ESPN: variants seen among roughly 807,000 people sequenced by gnomAD.
ESPN encodes autosomal recessive deafness type 36 protein.
Under a neutral mutation model 77.7 loss-of-function variants are expected in ESPN, and 68 were observed. That is an observed-to-expected ratio of 0.87 (90% CI 0.72 to 1.07). The LOEUF (loss-of-function observed/expected upper bound fraction) is 1.07. Among genes scored for constraint, ESPN ranks in the 50% least tolerant of loss-of-function variants. The probability of loss-of-function intolerance (pLI) is 0.00; values close to 1 mark genes in which losing one functional copy is unlikely to be tolerated. For missense variants in ESPN, 1,060 were observed against 1,239.0 expected (o/e 0.86, Z 2.17); for synonymous variants, 449 against 567.1 (o/e 0.79, Z 2.96).
At position 6,445,702 on chromosome 1, in the gene ESPN, A is replaced by C. The variant is rs759657307; in HGVS notation, c.1231A>C (p.Met411Leu). The C allele has an allele frequency of 1.2e-5, 20 of 1,612,440 alleles. No individual in the cohort carries two copies. Among genetic ancestry groups the C allele is most frequent in the Non-Finnish European group, 1.6e-5 (19 of 1,179,912 alleles). ...TAGAGCTGCAGACATACAGAGCTAC[A>C]TGGACATGCTGAACCCGGAGCTGGG... ...SARAADIQSY[M>L]DMLNPELGLP... is the part of the protein sequence containing the mutation. The change falls in exon 7 of 13, where the codon ATG (methionine) becomes CTG (leucine). Residue 411 changes from methionine to leucine, a missense_variant. Physicochemically the swap from Met to Leu is conservative, Grantham distance 15. This residue lies in a region of ESPN where 556 missense variants were observed against 633.6 expected (regional missense o/e 0.88). Transcript: ENST00000645284.
intron 2 of ESPN, among the ~76,000 whole-genome samples, chr1:6,439,583 GAGA>G (rs1387904426): frequency 6.6e-6 from 1 of 152,208 alleles, no homozygotes; most frequent in Non-Finnish European, 1.5e-5. Context: ...CAAGAGGGAG[GAGA>G]AGGACATTCC....
At position 6,427,087 on chromosome 1, in the gene ESPN, T is replaced by C. The variant is rs1643064847; in HGVS notation, c.295-1139T>C. On this transcript the variant is annotated intron_variant, in intron 1 of 12. Coordinates refer to ENST00000645284, the MANE Select transcript of ESPN (RefSeq NM_031475.3). The surrounding 1 kb of genome is among the most constrained non-coding windows in gnomAD (Gnocchi z 4.6). Reference sequence around the variant, plus strand: ...GGTTCTCTTCCCACCGTGATTTGACTTCCTGAGGCCTGGGGTCTCTTGCCA... The same window carrying C: ...GGTTCTCTTCCCACCGTGATTTGACCTCCTGAGGCCTGGGGTCTCTTGCCA... Among the ~76,000 whole-genome samples the C allele has an allele frequency of 6.6e-6, 1 of 151,994 alleles. No individual in the cohort carries two copies. The highest frequency in any genetic ancestry group is 1.5e-5 in the Non-Finnish European group (1 of 67,992).
chr1:6,444,764 C>T, intron 6 of ESPN, 82 bp downstream of exon 6: 1 of 1,524,230 alleles, frequency 6.6e-7, no homozygotes, highest in Non-Finnish European at 9.1e-7. Context: ...CCTTGGGCCG[C>T]CCTGCCACAG....
In ESPN at chr1:6,459,708, A is replaced by G. The variant is rs561905883; in HGVS notation, c.2418-291A>G. ...TCTTGCTGCTGCACCCAGCAATACC[A>G]CCTCCTCACATGGTGCCACACAGTG... On this transcript the variant is annotated intron_variant, in intron 12 of 12. Coordinates refer to ENST00000645284, the MANE Select transcript of ESPN (RefSeq NM_031475.3). Among the ~76,000 whole-genome samples, 132 of 151,650 alleles carry G rather than the reference A, an allele frequency of 8.7e-4. 1 individual carries two copies. The highest frequency in any genetic ancestry group is 3.1e-3 in the African/African-American group (128 of 41,326).
At chr1:6,434,703 A>C (rs1643370155) in intron 2 of ESPN, among the ~76,000 whole-genome samples, 1 of 152,230 alleles carries the variant, frequency 6.6e-6, no homozygotes, top group Non-Finnish European at 1.5e-5. Flanking sequence ...TCATCACGTC[A>C]GCCATACATT....
intron 5 of ESPN, 64 bp from the exon 6 acceptor site, chr1:6,444,417 T>G: frequency 6.5e-7 from 1 of 1,548,782 alleles, no homozygotes; most frequent in South Asian, 1.1e-5. Context: ...AGTAGGACCC[T>G]GGCCTGGAGA....
chr1:6,440,167 G>C, intron 2 of ESPN, 87 bp from the exon 3 acceptor site: 3 of 1,408,944 alleles, frequency 2.1e-6, no homozygotes, highest in Non-Finnish European at 2.9e-6. Flanking sequence ...GCCGTCCAGG[G>C]CTCCCCGGGA....
chr1:6,444,220 G>A (rs1159095122), intron 5 of ESPN, among the ~76,000 whole-genome samples: 1 of 152,160 alleles, frequency 6.6e-6, no homozygotes, highest in Non-Finnish European at 1.5e-5. Flanking sequence ...CCTCCTTGTC[G>A]ATCTCTCCAC....
rs1644131725 is a variant in ESPN at position 6,460,109 on chromosome 1, A to G, written c.2528A>G (p.Gln843Arg). 1 of 1,613,000 alleles carries G rather than the reference A, an allele frequency of 6.2e-7. No homozygotes were observed. The highest frequency in any genetic ancestry group is 1.7e-5 in the Admixed American group (1 of 60,012). Residue 843 changes from glutamine (Q) to arginine (R), a missense_variant, in exon 13 of 13, where the codon CAG becomes CGG. Gln to Arg is a conservative substitution (Grantham distance 43). Around this residue, in one of 3 missense-constraint regions of ESPN, gnomAD observed 374 missense variants for 381.4 expected, o/e 0.98. Coordinates refer to ENST00000645284, the MANE Select transcript of ESPN (RefSeq NM_031475.3). Reference protein sequence around the residue: ...DESKLAPWQRQVILKKGDIAK... With the variant: ...DESKLAPWQRRVILKKGDIAK... ...AGCAAGCTGGCGCCCTGGCAGCGAC[A>G]GGTCATCCTGAAGAAGGGGGACATC...
At chr1:6,458,603 T>C (rs1235693178) in intron 12 of ESPN, among the ~76,000 whole-genome samples, 3 of 151,214 alleles carry the variant, frequency 2.0e-5, no homozygotes, top group African/African-American at 7.3e-5. Flanking sequence ...GGCGTAAGCC[T>C]TCGCACCAGG....
At chr1:6,446,630 G>A (rs1483424392) in intron 7 of ESPN, among the ~76,000 whole-genome samples, 3 of 152,178 alleles carry the variant, frequency 2.0e-5, no homozygotes, top group South Asian at 4.1e-4. Context: ...CAGGGGTTGG[G>A]GCAGAGGTCT....
chr1:6,456,897 C>T (rs764747835), intron 10 of ESPN, among the ~76,000 whole-genome samples: 12 of 152,176 alleles, frequency 7.9e-5, no homozygotes, highest in East Asian at 1.9e-4. Flanking sequence ...CCTGCCTCTG[C>T]GGGGAATCAG....
At chr1:6,461,370 A>G, downstream of ESPN, 1 of 1,470,342 alleles carries the variant, frequency 6.8e-7, no homozygotes, top group South Asian at 1.4e-5. This position sits in a 1 kb window ranked among gnomAD's most constrained non-coding sequence, Gnocchi z 6.3. Context: ...TACACGCATA[A>G]GTAACCGTAC....
intron 5 of ESPN, among the ~76,000 whole-genome samples, chr1:6,444,242 G>A (rs1471240959): frequency 6.6e-6 from 1 of 152,164 alleles, no homozygotes; most frequent in Non-Finnish European, 1.5e-5. Flanking sequence ...CTCCTAATCA[G>A]GGAGGAGCCA....
At position 6,425,201 on chromosome 1, in the gene ESPN, C is replaced by T. The variant is rs1177895533; in HGVS notation, c.246C>T (p.His82=). ...TPAHDASATG[H]LACLQWLLSQ... ...CCCACGACGCCTCCGCCACCGGCCA[C>T]CTCGCCTGCCTGCAGTGGCTGCTGT... is the stretch of plus-strand genomic sequence containing the variant. The change falls in exon 1 of 13, where the codon CAC becomes CAT. Residue 82 remains histidine, a synonymous_variant. Coordinates refer to ENST00000645284, the MANE Select transcript of ESPN (RefSeq NM_031475.3). 2 of 1,548,726 alleles carry T rather than the reference C, an allele frequency of 1.3e-6. No homozygotes were observed. Among genetic ancestry groups the T allele is most frequent in the South Asian group, 1.2e-5 (1 of 85,268 alleles).
chr1:6,459,244 TAA>T (rs56360855), intron 12 of ESPN, among the ~76,000 whole-genome samples: 22 of 141,116 alleles, frequency 1.6e-4, no homozygotes, highest in African/African-American at 3.3e-4. Context: ...CTGTCTCAAT[TAA>T]AAAAAAAAAA....
intron 12 of ESPN, among the ~76,000 whole-genome samples, chr1:6,458,518 G>A (rs141823057): frequency 0.012 from 1,771 of 150,234 alleles, 34 homozygotes; most frequent in African/African-American, 0.041. Context: ...GTTTTGCCAT[G>A]TTGGTCAGGC....
At chr1:6,446,025 G>C (rs1358872272) in intron 7 of ESPN, 90 bp downstream of exon 7, 3 of 1,345,176 alleles carry the variant, frequency 2.2e-6, no homozygotes, top group Non-Finnish European at 3.1e-6. Flanking sequence ...TCACTAGTGG[G>C]CATAGGGTGG....
Position 6,440,633 on chromosome 1 carries a change from G to C in ESPN, c.683G>C (p.Cys228Ser). ...CCCGCCCGTCCCGCCCAGGTGAGCT[G>C]CACCGACGTGAGCCTGTCCGAGCAG... ...HSPVIVWLVSCTDVSLSEQDK... is the reference protein window; with the variant it reads ...HSPVIVWLVSSTDVSLSEQDK... The change falls in exon 4 of 13, where the codon TGC becomes TCC. Residue 228 changes from cysteine (C) to serine (S), a missense_variant. Cys to Ser is a moderately radical substitution (Grantham distance 112, BLOSUM62 -1). Transcript: ENST00000645284. 6.6e-7 allele frequency: 1 copy of C among 1,509,384 alleles called. No homozygotes were observed. The highest frequency in any genetic ancestry group is 8.8e-7 in the Non-Finnish European group (1 of 1,133,828). The allele number at this position is 1,509,384 out of a possible 1,614,324, so 93.5% of individuals were successfully genotyped here. A position where few individuals can be genotyped will look rare whatever the true frequency, so the allele number is the denominator to read the frequency against.
Sources: gnomAD v4.1 joint callset for allele counts (sites outside exome capture counted in the v4.1 genomes callset) on GRCh38, gnomAD v4.1.1 for gene constraint, gnomAD v4.1.1 regional missense constraint, Gnocchi (gnomAD v3.1) non-coding constraint, MANE v1.5 for transcripts, NCBI Gene and HGNC (gene_info 2026-07-23, HGNC 2026-07-21) for gene names.